STK32C: variants seen among roughly 807,000 people sequenced by gnomAD.
STK32C encodes serine/threonine kinase 32C.
STK32C carries 31 observed loss-of-function variants against 56.5 expected under a neutral mutation model. The ratio of observed to expected loss-of-function variants is 0.55; its 90% CI spans 0.41 to 0.74. STK32C has a LOEUF of 0.74. Among genes scored for constraint, STK32C ranks in the 30% least tolerant of loss-of-function variants. The probability of loss-of-function intolerance (pLI) is 0.00; values close to 1 mark genes in which losing one functional copy is unlikely to be tolerated. For synonymous variants in STK32C, 309 were observed against 289.4 expected, an observed-to-expected ratio of 1.07 and a Z score of -0.69; for missense variants, 544 against 676.9, an observed-to-expected ratio of 0.80 and a Z score of 2.18.
intron 1 of STK32C, among the ~76,000 whole-genome samples, chr10:132,330,671 C>CT (rs1236617583): frequency 6.1e-5 from 5 of 82,320 alleles, no homozygotes; most frequent in Non-Finnish European, 9.2e-5. Context: ...CCACACCCAG[C>CT]ATTTTTTTTT....
intron 1 of STK32C, among the ~76,000 whole-genome samples, chr10:132,302,395 C>T (rs1590452087): frequency 6.6e-6 from 1 of 152,326 alleles, no homozygotes; most frequent in Admixed American, 6.5e-5. Flanking sequence ...TCTAGAGCAG[C>T]CTCACAGCTG....
At chr10:132,216,588 C>G (rs2062479473) in intron 10 of STK32C, among the ~76,000 whole-genome samples, 1 of 152,186 alleles carries the variant, frequency 6.6e-6, no homozygotes, top group Non-Finnish European at 1.5e-5. Context: ...CCAGGGCATG[C>G]CACAGACCTT....
chr10:132,254,809 G>A (rs1250711941), intron 1 of STK32C, among the ~76,000 whole-genome samples: 2 of 152,220 alleles, frequency 1.3e-5, no homozygotes, highest in Admixed American at 6.5e-5. Context: ...CGCGAAGGCT[G>A]TCTCAAGAGC....
intron 1 of STK32C, among the ~76,000 whole-genome samples, chr10:132,282,089 G>A (rs1017704338): frequency 7.2e-5 from 11 of 152,232 alleles, no homozygotes; most frequent in Non-Finnish European, 1.6e-4. Flanking sequence ...CCGGGGGTGG[G>A]GGCGACAGGT....
Position 132,222,972 on chromosome 10 carries a change from G to T in STK32C, c.1008C>A (p.Asn336Lys), listed in dbSNP as rs1293389410. 4 of 1,550,460 alleles carry T rather than the reference G, an allele frequency of 2.6e-6. No homozygotes were observed. The highest frequency in any genetic ancestry group is 2.4e-5 in the East Asian group (1 of 41,478). Residue 336 changes from asparagine (N) to lysine (K), a missense_variant, in exon 9 of 12, where the codon AAC becomes AAA. Transcript: ENST00000298630. ...GGAGGCTGGAGAGCCGGTGCTCGGG[G>T]TTCACAGTGAGGAGCTGCAACCAGG... ...VALLRKLLTV[N>K]PEHRLSSLQD...
At chr10:132,289,851 T>G (rs942223302) in intron 1 of STK32C, among the ~76,000 whole-genome samples, 12 of 152,140 alleles carry the variant, frequency 7.9e-5, no homozygotes, top group Non-Finnish European at 1.3e-4. Flanking sequence ...TCAACATATG[T>G]ATGTGGGTGG....
Position 132,253,572 on chromosome 10 carries a change from CT to C in STK32C, c.263-7618del, listed in dbSNP as rs1340978466. 7.7e-3 allele frequency among the ~76,000 whole-genome samples: 969 copies of C among 126,230 alleles called. 13 individuals are homozygous for C. Among genetic ancestry groups the C allele is most frequent in the African/African-American group, 0.029 (757 of 26,234 alleles). 82.8% of individuals were successfully genotyped at this position (126,230 alleles called of 152,430 possible). A position where few individuals can be genotyped will look rare whatever the true frequency, so the allele number is the denominator to read the frequency against. On this transcript the variant is annotated intron_variant, in intron 1 of 11. Coordinates refer to ENST00000298630, the MANE Select transcript of STK32C (RefSeq NM_173575.4). ...AGGGAGCTGGAGGGAGTCGAGGGAG[CT>C]GGAGGGAGCTGGAGGGAGCCGAGGG...
At position 132,255,284 on chromosome 10, in the gene STK32C, C is replaced by T. The variant is rs571984917; in HGVS notation, c.263-9329G>A. Reference sequence around the variant, plus strand: ...ACGGGGCTCCTGACTTAGGAAATACCGGGCCAGGTGGAAGAGTTGGAACCG... The same window carrying T: ...ACGGGGCTCCTGACTTAGGAAATACTGGGCCAGGTGGAAGAGTTGGAACCG... On this transcript the variant is annotated intron_variant, in intron 1 of 11. Transcript: ENST00000298630. The surrounding 1 kb of genome is among the most constrained non-coding windows in gnomAD (Gnocchi z 4.6). Among the ~76,000 whole-genome samples the T allele has an allele frequency of 6.6e-6, 1 of 152,226 alleles. No homozygotes were observed. The highest frequency in any genetic ancestry group is 1.9e-4 in the East Asian group (1 of 5,174).
At position 132,225,365 on chromosome 10, in the gene STK32C, T is replaced by C. The variant is rs550012378; in HGVS notation, c.773-29A>G. The C allele has an allele frequency of 1.6e-5, 26 of 1,596,334 alleles. No individual in the cohort carries two copies. In the South Asian group the frequency reaches 2.5e-4, roughly 15 times the overall value. On this transcript the variant is annotated intron_variant, in intron 6 of 11. Transcript: ENST00000298630. ...TCCGACAGAAAGAAGGAAAAACAGC[T>C]GCCACGGGGTCACAGCCCGGACCCG...
intron 1 of STK32C, among the ~76,000 whole-genome samples, chr10:132,269,415 G>A (rs1289856078): frequency 7.2e-5 from 11 of 152,200 alleles, no homozygotes; most frequent in Admixed American, 4.6e-4. Context: ...TGGCCGCACC[G>A]GATCTTCCCC....
chr10:132,229,635 T>G (rs918654233), intron 2 of STK32C, among the ~76,000 whole-genome samples: 8 of 152,242 alleles, frequency 5.3e-5, no homozygotes, highest in Admixed American at 4.6e-4. Context: ...CAGAGGTTCC[T>G]GTACTGGTTA....
chr10:132,238,538 G>A (rs1008604608), intron 2 of STK32C, among the ~76,000 whole-genome samples: 1 of 152,190 alleles, frequency 6.6e-6, no homozygotes, highest in African/African-American at 2.4e-5. Flanking sequence ...GGGAATACAG[G>A]CCTGCCCTGG....
At chr10:132,249,318 G>C (rs2063813218) in intron 1 of STK32C, among the ~76,000 whole-genome samples, 1 of 152,010 alleles carries the variant, frequency 6.6e-6, no homozygotes, top group Non-Finnish European at 1.5e-5. Context: ...TGCTTCCTAA[G>C]ACTGACAAGG....
chr10:132,260,451 T>C (rs1048742429), intron 1 of STK32C, among the ~76,000 whole-genome samples: 3 of 152,042 alleles, frequency 2.0e-5, no homozygotes, highest in Non-Finnish European at 2.9e-5. Flanking sequence ...GGGAATGGGC[T>C]CCACCCCAAG....
chr10:132,270,669 T>G (rs1013495356), intron 1 of STK32C, among the ~76,000 whole-genome samples: 1 of 152,202 alleles, frequency 6.6e-6, no homozygotes, highest in African/African-American at 2.4e-5. Context: ...CCTTGCAGAA[T>G]GGCCTGGGGG....
intron 1 of STK32C, among the ~76,000 whole-genome samples, chr10:132,278,644 C>G (rs181386302): frequency 4.0e-5 from 6 of 151,770 alleles, no homozygotes; most frequent in African/African-American, 1.5e-4. Flanking sequence ...GCCTGTACTC[C>G]CAGCTGCTCA....
intron 1 of STK32C, among the ~76,000 whole-genome samples, chr10:132,267,157 G>C (rs1032358325): frequency 2.0e-5 from 3 of 151,818 alleles, no homozygotes; most frequent in African/African-American, 7.2e-5. Flanking sequence ...TGGGCCCTGG[G>C]CTCAGTCCAG....
In STK32C at chr10:132,314,762, A is replaced by G. The variant is rs147588765; in HGVS notation, c.301+16674T>C. On this transcript the variant is annotated intron_variant, in intron 1 of 3. Coordinates refer to the STK32C transcript ENST00000368620. ...AGATAACGTAGACTTCAAGACAAAG[A>G]ATATTATTAGAGATAAAAAGGAACA... Among the ~76,000 whole-genome samples, 1,215 of 152,354 alleles carry G rather than the reference A, an allele frequency of 8.0e-3. 15 individuals are homozygous for G. Among genetic ancestry groups the G allele is most frequent in the South Asian group, 0.036 (174 of 4,832 alleles).
chr10:132,293,597 C>T (rs907778419), intron 1 of STK32C, among the ~76,000 whole-genome samples: 6 of 152,222 alleles, frequency 3.9e-5, no homozygotes, highest in Non-Finnish European at 8.8e-5. Context: ...GCCAGGCACA[C>T]GGAGGGTGCC....
Sources: gnomAD v4.1 joint callset for allele counts (sites outside exome capture counted in the v4.1 genomes callset) on GRCh38, gnomAD v4.1.1 for gene constraint, Gnocchi (gnomAD v3.1) non-coding constraint, MANE v1.5 for transcripts, NCBI Gene and HGNC (gene_info 2026-07-23, HGNC 2026-07-21) for gene names.